Variants in SLC13A3 observed in about 807,000 individuals in gnomAD.
The protein encoded by SLC13A3 is solute carrier family 13 member 3.
A neutral mutation model predicts 59.0 loss-of-function variants in SLC13A3; 40 were observed. That is an observed-to-expected ratio of 0.68 (90% CI 0.53 to 0.88). SLC13A3 has a LOEUF of 0.88. Among genes scored for constraint, SLC13A3 ranks in the 40% least tolerant of loss-of-function variants. SLC13A3 has a pLI of 0.00. For synonymous variants in SLC13A3, 317 were observed against 330.3 expected, an observed-to-expected ratio of 0.96 and a Z score of 0.44; for missense variants, 699 against 783.2, an observed-to-expected ratio of 0.89 and a Z score of 1.28.
rs2122740568 is a variant in SLC13A3, at chr20:46,610,736, A to C, written c.378-127T>G. On this transcript the variant is annotated intron_variant, in intron 2 of 12. Coordinates refer to ENST00000279027, the MANE Select transcript of SLC13A3 (RefSeq NM_022829.6). ...CAGATGGAAACTTGAGACTCAAAGC[A>C]GAAACCAAATCCACTCACCAGGTTT... 3 of 765,452 alleles carry C rather than the reference A, an allele frequency of 3.9e-6. No individual in the cohort carries two copies. In the East Asian group the frequency reaches 8.0e-5, roughly 20 times the overall value. The allele number at this position is 765,452 out of a possible 1,614,324, so 47.4% of individuals were successfully genotyped here. A position where few individuals can be genotyped will look rare whatever the true frequency, so the allele number is the denominator to read the frequency against.
intron 1 of SLC13A3, among the ~76,000 whole-genome samples, chr20:46,636,640 T>C (rs2122837247): frequency 1.3e-5 from 2 of 152,236 alleles, no homozygotes; most frequent in South Asian, 4.1e-4. Context: ...GGTGGGCCTG[T>C]AGGACAGATG....
chr20:46,563,505 G>C lies in SLC13A3; in HGVS notation c.1541C>G (p.Thr514Arg). Residue 514 changes from threonine to arginine, a missense_variant, in exon 12 of 13, where the codon ACA becomes AGA. Coordinates refer to ENST00000279027, the MANE Select transcript of SLC13A3 (RefSeq NM_022829.6). ...VHPLYLMIPG[T>R]VGCSFAFMLP... ...CATGAAGGCAAAGGAGCAGCCGACT[G>C]TGCCCGGAATCATCAGATACAGGGG... 1 of 1,614,126 alleles carries C rather than the reference G, an allele frequency of 6.2e-7. No homozygotes were observed. Among genetic ancestry groups the C allele is most frequent in the South Asian group, 1.1e-5 (1 of 91,048 alleles).
Position 46,559,538 on chromosome 20 carries a change from A to T in SLC13A3, c.*484T>A, listed in dbSNP as rs1350776154. 6.5e-6 allele frequency: 1 copy of T among 152,752 alleles called. No individual in the cohort carries two copies. The highest frequency in any genetic ancestry group is 1.5e-5 in the Non-Finnish European group (1 of 68,442). 9.5% of individuals were successfully genotyped at this position (152,752 alleles called of 1,614,324 possible). A position where few individuals can be genotyped will look rare whatever the true frequency, so the allele number is the denominator to read the frequency against. ...ATGGGCACCAACTAAGCAAAATCAC[A>T]CACTGGTTGTGAACAGCTGGAACAA... On this transcript the variant is annotated 3_prime_UTR_variant, in exon 13 of 13. Transcript: ENST00000279027.
intron 3 of SLC13A3, among the ~76,000 whole-genome samples, chr20:46,601,654 C>T (rs751787271): frequency 2.6e-5 from 4 of 152,208 alleles, no homozygotes; most frequent in Non-Finnish European, 5.9e-5. Context: ...AGGAGCCAGG[C>T]ATCCTGGGGT....
chr20:46,601,330 G>A (rs576946330), intron 3 of SLC13A3, among the ~76,000 whole-genome samples: 103 of 152,322 alleles, frequency 6.8e-4, no homozygotes, highest in Non-Finnish European at 1.2e-3. Flanking sequence ...AGATGATGAT[G>A]GCTGGATTTG....
chr20:46,651,449 G>C lies in SLC13A3; in HGVS notation c.-28C>G, dbSNP rs931718365. 15 of 1,428,228 alleles carry C rather than the reference G, an allele frequency of 1.1e-5. No homozygotes were observed. The East Asian group carries it at 1.8e-4, about 17-fold the overall frequency. 88.5% of individuals were successfully genotyped at this position (1,428,228 alleles called of 1,614,324 possible). On this transcript the variant is annotated 5_prime_UTR_variant, in exon 1 of 13. Coordinates refer to ENST00000279027, the MANE Select transcript of SLC13A3 (RefSeq NM_022829.6). ...GCGCGATCGCCTGGCGGTACGGGCC[G>C]GCCCGGGACTGCCCCGCCTGGCCCC...
intron 12 of SLC13A3, 91 bp downstream of exon 12, chr20:46,563,323 C>A: frequency 7.0e-7 from 1 of 1,437,232 alleles, no homozygotes; most frequent in South Asian, 1.4e-5. Context: ...GGAGTGGGGT[C>A]AGCGTGCAGG....
At chr20:46,649,336 C>T (rs2062929629) in intron 1 of SLC13A3, among the ~76,000 whole-genome samples, 1 of 152,170 alleles carries the variant, frequency 6.6e-6, no homozygotes, top group Non-Finnish European at 1.5e-5. Context: ...CTCTCCCAAG[C>T]CTCGTACCGA....
At chr20:46,582,319 G>T (rs920460224) in intron 9 of SLC13A3, among the ~76,000 whole-genome samples, 1 of 151,798 alleles carries the variant, frequency 6.6e-6, no homozygotes, top group East Asian at 1.9e-4. Flanking sequence ...TGTAGAGATG[G>T]GGTTTCTCCA....
intron 1 of SLC13A3, among the ~76,000 whole-genome samples, chr20:46,621,407 A>T (rs2062612885): frequency 6.6e-6 from 1 of 152,242 alleles, no homozygotes; most frequent in Non-Finnish European, 1.5e-5. Flanking sequence ...GATGGCATTG[A>T]CATGATTAAG....
chr20:46,638,557 C>A (rs937453568), intron 1 of SLC13A3, among the ~76,000 whole-genome samples: 1 of 152,234 alleles, frequency 6.6e-6, no homozygotes, highest in African/African-American at 2.4e-5. Flanking sequence ...CTCTGAGAGG[C>A]CCTGAGGGCA....
At chr20:46,615,975 G>A (rs753579024) in intron 1 of SLC13A3, among the ~76,000 whole-genome samples, 1 of 152,132 alleles carries the variant, frequency 6.6e-6, no homozygotes, top group Non-Finnish European at 1.5e-5. Flanking sequence ...TTTCCTGGGG[G>A]CCAGAGAAGA....
chr20:46,591,930 G>A (rs1389098898), intron 6 of SLC13A3, among the ~76,000 whole-genome samples: 1 of 152,080 alleles, frequency 6.6e-6, no homozygotes, highest in African/African-American at 2.4e-5. Context: ...GATATGGCTA[G>A]CACGGTGGCT....
intron 1 of SLC13A3, among the ~76,000 whole-genome samples, chr20:46,630,239 G>A (rs1246534419): frequency 6.6e-6 from 1 of 152,172 alleles, no homozygotes; most frequent in Non-Finnish European, 1.5e-5. Context: ...AACCTTTACA[G>A]CCATACAGGT....
At chr20:46,666,933 C>T (rs913616596) in intron 1 of SLC13A3, among the ~76,000 whole-genome samples, 2 of 152,086 alleles carry the variant, frequency 1.3e-5, no homozygotes, top group Non-Finnish European at 1.5e-5. Context: ...GCAGGGAGTA[C>T]GTGACAATGG....
chr20:46,619,265 T>A (rs984874700), intron 1 of SLC13A3, among the ~76,000 whole-genome samples: 1 of 152,218 alleles, frequency 6.6e-6, no homozygotes, highest in Non-Finnish European at 1.5e-5. Flanking sequence ...AAAAGGCTCA[T>A]GTCCTCCAGC....
intron 3 of SLC13A3, among the ~76,000 whole-genome samples, chr20:46,602,377 T>C (rs571124608): frequency 6.6e-6 from 1 of 152,280 alleles, no homozygotes; most frequent in South Asian, 2.1e-4. Context: ...TTTCTCTGCT[T>C]GATAGACCAG....
At chr20:46,581,703 GA>G (rs1032758668) in intron 9 of SLC13A3, among the ~76,000 whole-genome samples, 4 of 152,178 alleles carry the variant, frequency 2.6e-5, no homozygotes, top group Non-Finnish European at 2.9e-5. Flanking sequence ...AAAACATGAG[GA>G]AGTGGAGTTG....
chr20:46,576,423 A>G (rs1238671857), intron 9 of SLC13A3, among the ~76,000 whole-genome samples: 2 of 152,148 alleles, frequency 1.3e-5, no homozygotes, highest in African/African-American at 4.8e-5. Flanking sequence ...GGCTTACTGC[A>G]TGCCCTTGAC....
Sources: gnomAD v4.1 joint callset for allele counts (sites outside exome capture counted in the v4.1 genomes callset) on GRCh38, gnomAD v4.1.1 for gene constraint, MANE v1.5 for transcripts, NCBI Gene and HGNC (gene_info 2026-07-23, HGNC 2026-07-21) for gene names.